The following RECK variants were observed in gnomAD, a reference collection of about 807,000 sequenced individuals.
RECK encodes the protein reversion-inducing cysteine-rich protein with Kazal motifs.
Under a neutral mutation model 115.1 loss-of-function variants are expected in RECK, and 69 were observed. That is an observed-to-expected ratio of 0.60 (90% CI 0.49 to 0.73). The LOEUF is 0.73. Among genes scored for constraint, RECK ranks in the 30% least tolerant of loss-of-function variants. The pLI, the probability that RECK is intolerant of heterozygous loss-of-function variation, is 0.00. For synonymous variants in RECK, 414 were observed against 419.7 expected (o/e 0.99, Z 0.17); for missense variants, 1,047 against 1,203.7 (o/e 0.87, Z 1.93).
chr9:36,086,907 A>C (rs1380287495), intron 8 of RECK, among the ~76,000 whole-genome samples: 1 of 152,190 alleles, frequency 6.6e-6, no homozygotes, highest in Non-Finnish European at 1.5e-5. Flanking sequence ...GGAATATCAA[A>C]TACCTCTCCT....
intron 2 of RECK, among the ~76,000 whole-genome samples, chr9:36,054,168 T>A (rs557988682): frequency 2.6e-5 from 4 of 152,320 alleles, no homozygotes; most frequent in African/African-American, 7.2e-5. Flanking sequence ...GAATCATTAT[T>A]TCTTCAACCA....
At chr9:36,114,355 A>G (rs988225726) in intron 16 of RECK, among the ~76,000 whole-genome samples, 1 of 152,238 alleles carries the variant, frequency 6.6e-6, no homozygotes, top group South Asian at 2.1e-4. Flanking sequence ...TAAAACTACA[A>G]TTGTGTACCA....
intron 1 of RECK, among the ~76,000 whole-genome samples, chr9:36,043,435 A>T (rs1219360669): frequency 6.6e-6 from 1 of 151,850 alleles, no homozygotes; most frequent in African/African-American, 2.4e-5. Context: ...TGTCAGATGC[A>T]TAGTTTGCAA....
At chr9:36,039,006 T>G (rs750877524) in intron 1 of RECK, among the ~76,000 whole-genome samples, 1 of 152,192 alleles carries the variant, frequency 6.6e-6, no homozygotes, top group African/African-American at 2.4e-5. Context: ...AAATTGTAGC[T>G]CAATAAAGTT....
chr9:36,040,268 A>C (rs1257338881), intron 1 of RECK, among the ~76,000 whole-genome samples: 1 of 152,188 alleles, frequency 6.6e-6, no homozygotes, highest in Non-Finnish European at 1.5e-5. Context: ...AACACAGAGA[A>C]TTGTGTGAGT....
chr9:36,063,090 G>C (rs894502200), intron 4 of RECK, among the ~76,000 whole-genome samples: 1 of 151,860 alleles, frequency 6.6e-6, no homozygotes, highest in Admixed American at 6.6e-5. Flanking sequence ...AGCCAAGATC[G>C]CGCCACTGCA....
chr9:36,057,235 C>G (rs538082661), intron 2 of RECK, among the ~76,000 whole-genome samples: 2 of 151,112 alleles, frequency 1.3e-5, no homozygotes, highest in Admixed American at 1.3e-4. Flanking sequence ...TGAATTTGAT[C>G]TTCACCAGTA....
chr9:36,104,136 G>A (rs116127465), intron 12 of RECK, among the ~76,000 whole-genome samples: 3,338 of 150,688 alleles, frequency 0.022, 145 homozygotes, highest in African/African-American at 0.077. Flanking sequence ...GATAAAACAC[G>A]CTAAATTATC....
intron 6 of RECK, among the ~76,000 whole-genome samples, chr9:36,067,739 C>T (rs903932837): frequency 2.0e-5 from 3 of 152,110 alleles, no homozygotes; most frequent in African/African-American, 7.2e-5. Flanking sequence ...TTTAGCATAA[C>T]TCCAAATACT....
At chr9:36,120,540 C>T in intron 18 of RECK, 123 bp from the exon 19 acceptor site, 1 of 718,000 alleles carries the variant, frequency 1.4e-6, no homozygotes, top group South Asian at 1.8e-5. Flanking sequence ...TATGAAGGTA[C>T]AGTCTTTGGG....
At position 36,112,405 on chromosome 9, in the gene RECK, C is replaced by A; in HGVS notation, c.1989C>A (p.Asp663Glu). The change falls in exon 16 of 21, where the codon GAC becomes GAA. Residue 663 changes from aspartate to glutamate, a missense_variant. Physicochemically the swap from Asp to Glu is conservative, Grantham distance 45 (BLOSUM62 2). Coordinates refer to ENST00000377966, the MANE Select transcript of RECK (RefSeq NM_021111.3). ...TTGCTCGCTGTGTGGGCCTCCAAGA[C>A]CATCAGTTTGAGTTTGGATCATGCA... is the stretch of plus-strand genomic sequence containing the variant. ...ACIARCVGLQ[D>E]HQFEFGSCMS... The A allele has an allele frequency of 6.2e-7, 1 of 1,614,078 alleles. No homozygotes were observed. Among genetic ancestry groups the A allele is most frequent in the Non-Finnish European group, 8.5e-7 (1 of 1,180,032 alleles).
At chr9:36,059,329 G>A (rs1267345469) in intron 3 of RECK, among the ~76,000 whole-genome samples, 1 of 151,890 alleles carries the variant, frequency 6.6e-6, no homozygotes, top group African/African-American at 2.4e-5. Flanking sequence ...GGTGGCACAC[G>A]CCTGTAGTCC....
chr9:36,076,564 C>T (rs1037842515), intron 6 of RECK, among the ~76,000 whole-genome samples: 3 of 152,128 alleles, frequency 2.0e-5, no homozygotes, highest in Non-Finnish European at 4.4e-5. Flanking sequence ...CTGAATCCAT[C>T]CTAACACACC....
intron 16 of RECK, 136 bp downstream of exon 16, chr9:36,112,612 AAG>A: frequency 1.1e-6 from 1 of 949,208 alleles, no homozygotes; most frequent in Middle Eastern, 3.4e-4. Context: ...TCTGGAGGGA[AAG>A]AGAGCCATGT....
intron 18 of RECK, among the ~76,000 whole-genome samples, chr9:36,120,063 T>A (rs1350175407): frequency 6.6e-6 from 1 of 151,756 alleles, no homozygotes; most frequent in Non-Finnish European, 1.5e-5. Context: ...TGAAACCCTG[T>A]CTCTACTAAA....
At position 36,063,774 on chromosome 9, in the gene RECK, T is replaced by G. The variant is rs957933275; in HGVS notation, c.272-21T>G. On this transcript the variant is annotated intron_variant, in intron 4 of 20. Transcript: ENST00000377966. Reference sequence around the variant, plus strand: ...TTTATTGCTACTTATGACCAAAACATTTAAACATTTTGTTTTTAAGGTGTG... The same window carrying G: ...TTTATTGCTACTTATGACCAAAACAGTTAAACATTTTGTTTTTAAGGTGTG... 3 of 1,611,588 alleles carry G rather than the reference T, an allele frequency of 1.9e-6. No homozygotes were observed. In the African/African-American group the frequency reaches 4.0e-5, roughly 21 times the overall value.
intron 9 of RECK, among the ~76,000 whole-genome samples, chr9:36,090,062 A>G (rs965226574): frequency 1.3e-5 from 2 of 152,154 alleles, no homozygotes; most frequent in East Asian, 3.9e-4. Flanking sequence ...AGGCTGAGGC[A>G]CTAGAATCAC....
intron 6 of RECK, among the ~76,000 whole-genome samples, chr9:36,078,568 C>G (rs570114688): frequency 6.6e-6 from 1 of 152,238 alleles, no homozygotes; most frequent in Non-Finnish European, 1.5e-5. Flanking sequence ...TTGTGATAAC[C>G]AAAAATGTCT....
At chr9:36,110,345 G>T (rs955468412) in intron 15 of RECK, among the ~76,000 whole-genome samples, 2 of 152,060 alleles carry the variant, frequency 1.3e-5, no homozygotes, top group Non-Finnish European at 2.9e-5. Context: ...GATTGGAATG[G>T]GTTTAATTAA....
Sources: allele counts gnomAD v4.1 joint callset (sites outside exome capture counted in the v4.1 genomes callset), GRCh38; gene constraint gnomAD v4.1.1; transcripts MANE v1.5; gene names NCBI Gene and HGNC (gene_info 2026-07-23, HGNC 2026-07-21).